The following PPFIBP2 variants were observed in gnomAD, a reference collection of about 807,000 sequenced individuals.
The protein encoded by PPFIBP2 is PPFIB scaffold protein 2.
PPFIBP2 carries 118 observed loss-of-function variants against 118.3 expected under a neutral mutation model. The observed-to-expected ratio is 1.00, with a 90% CI of 0.86 to 1.16. The LOEUF (loss-of-function observed/expected upper bound fraction) is 1.16, where lower values mean the gene tolerates loss of function less well. Among genes scored for constraint, PPFIBP2 ranks in the 50% most tolerant of loss-of-function variants. The pLI is 0.00. For synonymous variants in PPFIBP2, 414 were observed against 397.4 expected, an observed-to-expected ratio of 1.04 and a Z score of -0.50; for missense variants, 1,195 against 1,073.1, an observed-to-expected ratio of 1.11 and a Z score of -1.59.
intron 20 of PPFIBP2, 33 bp downstream of exon 20, chr11:7,649,268 C>G (rs375097469): frequency 2.6e-6 from 4 of 1,568,578 alleles, no homozygotes; most frequent in African/African-American, 1.4e-5. Context: ...TTTCAGTTGT[C>G]CCTGTGAGCA....
At chr11:7,619,667 C>A (rs1265317848) in intron 6 of PPFIBP2, among the ~76,000 whole-genome samples, 1 of 152,190 alleles carries the variant, frequency 6.6e-6, no homozygotes, top group Middle Eastern at 3.2e-3. Flanking sequence ...AGAAATGAGA[C>A]ATTCAAGTTG....
chr11:7,611,396 A>T (rs918454535), intron 6 of PPFIBP2, among the ~76,000 whole-genome samples: 1 of 152,264 alleles, frequency 6.6e-6, no homozygotes, highest in Admixed American at 6.5e-5. Flanking sequence ...AAGTGCCAGC[A>T]TTAGTGCATA....
chr11:7,538,623 A>G (rs1379553378), intron 1 of PPFIBP2, among the ~76,000 whole-genome samples: 1 of 152,228 alleles, frequency 6.6e-6, no homozygotes, highest in Non-Finnish European at 1.5e-5. Flanking sequence ...TGGAAGGACC[A>G]GAAAGCAAAA....
intron 1 of PPFIBP2, among the ~76,000 whole-genome samples, chr11:7,537,987 G>C (rs1415951919): frequency 6.6e-6 from 1 of 152,214 alleles, no homozygotes; most frequent in Non-Finnish European, 1.5e-5. Context: ...CTTGGAGAGA[G>C]AGGGGAACAA....
Position 7,625,837 on chromosome 11 carries a change from C to T in PPFIBP2, c.772C>T (p.His258Tyr). 1.2e-6 allele frequency: 2 copies of T among 1,614,224 alleles called. No individual in the cohort carries two copies. Among genetic ancestry groups the T allele is most frequent in the Non-Finnish European group, 1.7e-6 (2 of 1,180,038 alleles). ...ALKDAEIERL[H>Y]SQLSRTAALH... is the part of the protein sequence containing the mutation. ...GAAAGATGCAGAAATTGAGCGTCTGCACAGCCAGCTCTCCCGGACAGCAGC... is the reference window on the plus strand; with the variant it reads ...GAAAGATGCAGAAATTGAGCGTCTGTACAGCCAGCTCTCCCGGACAGCAGC... The change falls in exon 8 of 24, where the codon CAC becomes TAC. Residue 258 changes from histidine (H) to tyrosine (Y), a missense_variant. By Grantham distance (83) the His-to-Tyr change is moderately conservative. Coordinates refer to ENST00000299492, the MANE Select transcript of PPFIBP2 (RefSeq NM_003621.5).
intron 4 of PPFIBP2, among the ~76,000 whole-genome samples, 200 bp downstream of exon 4, chr11:7,593,424 G>A (rs975327061): frequency 6.6e-6 from 1 of 152,164 alleles, no homozygotes; most frequent in Non-Finnish European, 1.5e-5. Flanking sequence ...GCTTAGGGGG[G>A]CTGTGAATTC....
At chr11:7,549,759 A>T (rs772888145) in intron 2 of PPFIBP2, among the ~76,000 whole-genome samples, 1 of 152,002 alleles carries the variant, frequency 6.6e-6, no homozygotes, top group African/African-American at 2.4e-5. Context: ...CTCTGCTGAG[A>T]CAGTGTGGAT....
At chr11:7,651,025 A>C in intron 22 of PPFIBP2, 60 bp downstream of exon 22, 1 of 1,563,526 alleles carries the variant, frequency 6.4e-7, no homozygotes, top group Non-Finnish European at 8.7e-7. Flanking sequence ...TCAGAAACTT[A>C]TTTATTAAGG....
intron 1 of PPFIBP2, among the ~76,000 whole-genome samples, chr11:7,533,032 TG>T (rs1026034376): frequency 9.0e-5 from 7 of 78,100 alleles, no homozygotes; most frequent in Admixed American, 2.2e-4. Flanking sequence ...AATTCATATC[TG>T]TTTTTTTTTG....
chr11:7,529,539 T>C (rs1850505943), intron 1 of PPFIBP2, among the ~76,000 whole-genome samples: 1 of 152,148 alleles, frequency 6.6e-6, no homozygotes, highest in Non-Finnish European at 1.5e-5. Context: ...TCTAGAGTTA[T>C]TATGGGCTCT....
Position 7,637,818 on chromosome 11 carries a change from G to A in PPFIBP2, c.1237-1914G>A, listed in dbSNP as rs951282104. 1.1e-4 allele frequency among the ~76,000 whole-genome samples: 16 copies of A among 152,154 alleles called. No homozygotes were observed. In the South Asian group the frequency reaches 2.7e-3, roughly 26 times the overall value. On this transcript the variant is annotated intron_variant, in intron 14 of 23. Transcript: ENST00000299492. ...TTTCCATTGTCCTTGATTCCTTTTT[G>A]CTGTCTTTCTTACAGGTCGGGGCTG...
chr11:7,523,612 C>T (rs78286994), intron 1 of PPFIBP2, among the ~76,000 whole-genome samples: 1,801 of 152,240 alleles, frequency 0.012, 28 homozygotes, highest in African/African-American at 0.04. Context: ...AGATTACAGA[C>T]GTAGATTTGC....
At chr11:7,516,999 GA>G (rs147828800) in intron 1 of PPFIBP2, among the ~76,000 whole-genome samples, 3,101 of 152,238 alleles carry the variant, frequency 0.02, 81 homozygotes, top group African/African-American at 0.07. Flanking sequence ...GGGCTCCTTG[GA>G]AAAAGAAAAA....
Position 7,524,301 on chromosome 11 carries a change from A to G in PPFIBP2, c.-37+10180A>G, listed in dbSNP as rs1488204247. The stretch of plus-strand genomic sequence containing the variant: ...GAAAGCCTCTATCTTCAGGGGCAAC[A>G]GTTTCCTTCTCCCAACACACAAGTC... On this transcript the variant is annotated intron_variant, in intron 1 of 23. Transcript: ENST00000299492. Among the ~76,000 whole-genome samples, 4 of 152,334 alleles carry G rather than the reference A, an allele frequency of 2.6e-5. No individual in the cohort carries two copies. The South Asian group carries it at 6.2e-4, about 24-fold the overall frequency.
At chr11:7,564,541 G>A (rs4132102) in intron 2 of PPFIBP2, among the ~76,000 whole-genome samples, 29,576 of 152,200 alleles carry the variant, frequency 0.19, 2,931 homozygotes, top group African/African-American at 0.2. Context: ...AATGAATACA[G>A]TAATTGTCAT....
intron 3 of PPFIBP2, among the ~76,000 whole-genome samples, chr11:7,572,251 G>A (rs943336730): frequency 1.1e-4 from 16 of 152,166 alleles, no homozygotes; most frequent in Middle Eastern, 3.4e-3. Flanking sequence ...TTTATGTCAC[G>A]CCCTGCCCTA....
At chr11:7,565,102 T>C (rs1854804612) in intron 2 of PPFIBP2, among the ~76,000 whole-genome samples, 1 of 152,218 alleles carries the variant, frequency 6.6e-6, no homozygotes. Context: ...GGCTGTGCTT[T>C]CCCAGTTGTC....
chr11:7,545,895 A>T (rs1255541701), intron 1 of PPFIBP2, among the ~76,000 whole-genome samples: 1 of 152,152 alleles, frequency 6.6e-6, no homozygotes, highest in African/African-American at 2.4e-5. Context: ...CCCGACTCCT[A>T]CCTTGGGGAG....
At chr11:7,655,094 C>T (rs1275862985), downstream of PPFIBP2, among the ~76,000 whole-genome samples, 1 of 152,188 alleles carries the variant, frequency 6.6e-6, no homozygotes, top group Non-Finnish European at 1.5e-5. Context: ...TCCTACTGCT[C>T]TCTGCTCCTG....
Sources: allele counts gnomAD v4.1 joint callset (sites outside exome capture counted in the v4.1 genomes callset), GRCh38; gene constraint gnomAD v4.1.1; transcripts MANE v1.5; gene names NCBI Gene and HGNC (gene_info 2026-07-23, HGNC 2026-07-21).